The following TLE2 variants were observed in gnomAD, a reference collection of about 807,000 sequenced individuals.
The protein encoded by TLE2 is TLE family member 2, transcriptional corepressor.
Under a neutral mutation model 97.2 loss-of-function variants are expected in TLE2, and 74 were observed. That is an observed-to-expected ratio of 0.76 (90% CI 0.63 to 0.92). The LOEUF is 0.92. Ranked by LOEUF, TLE2 falls within the 40% of genes least tolerant of loss-of-function variation. The pLI, the probability that TLE2 is intolerant of heterozygous loss-of-function variation, is 0.00. For synonymous variants in TLE2, 499 were observed against 432.1 expected (o/e 1.15, Z -1.92); for missense variants, 1,038 against 1,008.7 (o/e 1.03, Z -0.39).
chr19:3,019,446 C>A lies in TLE2; in HGVS notation c.387G>T (p.Leu129=). 6.6e-7 allele frequency: 1 copy of A among 1,525,996 alleles called. No individual in the cohort carries two copies. Among genetic ancestry groups the A allele is most frequent in the Non-Finnish European group, 8.8e-7 (1 of 1,141,656 alleles). 94.5% of individuals were successfully genotyped at this position (1,525,996 alleles called of 1,614,324 possible). A position where few individuals can be genotyped will look rare whatever the true frequency, so the allele number is the denominator to read the frequency against. Residue 129 remains leucine, a synonymous_variant, in exon 7 of 20, where the codon CTG becomes CTT. Coordinates refer to ENST00000262953, the MANE Select transcript of TLE2 (RefSeq NM_003260.5). The surrounding 1 kb of genome is among the most constrained non-coding windows in gnomAD (Gnocchi z 5.1). ...GGGGCACAGGGGGTGCGTGGTGGGA[C>A]AGCGGCTGGAGCTGCTGCTGCTAGA... The part of the protein sequence containing the change: ...NSLIGQQLQP[L]SHHAPPVPLT...
At chr19:3,006,741 A>C (rs908024141) in intron 14 of TLE2, 72 bp from the exon 15 acceptor site, 64 of 1,511,888 alleles carry the variant, frequency 4.2e-5, no homozygotes, top group Non-Finnish European at 5.1e-5. Context: ...GAGGGCAGGG[A>C]GACGCCTTTG....
chr19:3,015,530 G>A lies in TLE2; in HGVS notation c.678+123C>T, dbSNP rs1251719714. ...GATTGGTCAGTACTCTGAGTAGTAG[G>A]GAGCTATGGGAGGCTCCGGAGTGAG... On this transcript the variant is annotated intron_variant, in intron 9 of 19. Transcript: ENST00000262953. 3 of 709,852 alleles carry A rather than the reference G, an allele frequency of 4.2e-6. No individual in the cohort carries two copies. The East Asian group carries it at 8.1e-5, about 19-fold the overall frequency. The allele number at this position is 709,852 out of a possible 1,614,324, so 44.0% of individuals were successfully genotyped here.
At chr19:3,004,892 C>T (rs1466251249) in intron 17 of TLE2, among the ~76,000 whole-genome samples, 1 of 152,090 alleles carries the variant, frequency 6.6e-6, no homozygotes, top group Non-Finnish European at 1.5e-5. Context: ...GATCTGGGGT[C>T]ACGGTGCCTG....
chr19:3,015,881 C>T (rs2089692286), intron 8 of TLE2, 121 bp from the exon 9 acceptor site: 1 of 758,182 alleles, frequency 1.3e-6, no homozygotes, highest in Non-Finnish European at 2.3e-6. Flanking sequence ...TCAAGCTTCC[C>T]ATCTGGGAAA....
At chr19:3,004,726 A>G (rs1427742515) in intron 17 of TLE2, among the ~76,000 whole-genome samples, 3 of 151,900 alleles carry the variant, frequency 2.0e-5, no homozygotes, top group Non-Finnish European at 2.9e-5. Flanking sequence ...GAGTTTGCCA[A>G]TTACAGAAAG....
intron 1 of TLE2, among the ~76,000 whole-genome samples, chr19:3,040,944 C>A (rs889900908): frequency 1.4e-5 from 2 of 142,390 alleles, no homozygotes; most frequent in African/African-American, 5.1e-5. Context: ...GGGCATGGTA[C>A]TGTCACCAAC....
chr19:3,034,441 C>T (rs2090047873), intron 1 of TLE2, among the ~76,000 whole-genome samples: 1 of 151,838 alleles, frequency 6.6e-6, no homozygotes. Flanking sequence ...TCACCTTCCT[C>T]CACCAGATCA....
intron 19 of TLE2, among the ~76,000 whole-genome samples, chr19:2,998,826 A>G (rs775618973): frequency 2.0e-4 from 30 of 152,200 alleles, no homozygotes; most frequent in Non-Finnish European, 4.4e-4. Context: ...CCTTTCTGGA[A>G]GCTCAGAGTG....
intron 7 of TLE2, among the ~76,000 whole-genome samples, chr19:3,018,277 G>A (rs910574062): frequency 6.6e-6 from 1 of 151,338 alleles, no homozygotes; most frequent in East Asian, 2.0e-4. Context: ...GACTCCAGGG[G>A]CATGCCACCA....
chr19:3,046,030 G>C (rs1287857502), upstream of TLE2, among the ~76,000 whole-genome samples: 2 of 152,138 alleles, frequency 1.3e-5, no homozygotes, highest in African/African-American at 2.4e-5. Context: ...CAACACAGCC[G>C]GTATTACTGT....
chr19:3,020,069 G>A, intron 5 of TLE2: 1 of 406,056 alleles, frequency 2.5e-6, no homozygotes, highest in South Asian at 3.1e-5. Flanking sequence ...GATCACCTGA[G>A]GCCAGGAGTT....
upstream of TLE2, among the ~76,000 whole-genome samples, chr19:3,033,155 G>A (rs146868641): frequency 8.4e-3 from 1,265 of 150,042 alleles, 11 homozygotes; most frequent in South Asian, 0.017. Flanking sequence ...TGGGATTACA[G>A]ACATACACCA....
At chr19:3,025,123 G>A in intron 4 of TLE2, 41 bp from the exon 5 acceptor site, 2 of 1,564,414 alleles carry the variant, frequency 1.3e-6, no homozygotes, top group Non-Finnish European at 1.7e-6. Context: ...GCGGGGTAGA[G>A]ATTTGCAACC....
chr19:3,038,113 C>G (rs1221312400), intron 1 of TLE2, among the ~76,000 whole-genome samples: 3 of 152,166 alleles, frequency 2.0e-5, no homozygotes, highest in African/African-American at 7.2e-5. Flanking sequence ...CAGAGCGAGA[C>G]TCTGTCTCAA....
rs758630754 is a variant in TLE2, at chr19:3,019,313, G to A, written c.520C>T (p.Arg174Cys). ...AQLAAAVKED[R>C]AGVEAEGSRV... is the part of the protein sequence containing the mutation. ...GACCCCTCGGCCTCCACGCCCGCAC[G>A]GTCCTCCTTGACAGCCGCCGCCAGC... Residue 174 changes from arginine to cysteine, a missense_variant, in exon 7 of 20, where the codon CGT becomes TGT. Transcript: ENST00000262953. The surrounding 1 kb of genome is among the most constrained non-coding windows in gnomAD (Gnocchi z 5.1). The A allele has an allele frequency of 1.6e-5, 25 of 1,576,592 alleles. No individual in the cohort carries two copies. The highest frequency in any genetic ancestry group is 5.8e-5 in the South Asian group (5 of 86,854).
chr19:3,009,840 A>G (rs1235028707), intron 12 of TLE2, 138 bp from the exon 13 acceptor site: 1 of 963,292 alleles, frequency 1.0e-6, no homozygotes, highest in Non-Finnish European at 1.5e-6. Context: ...GGACACCTCC[A>G]GACCTCTGCA....
chr19:3,006,694 C>A, intron 14 of TLE2, 25 bp from the exon 15 acceptor site: 2 of 1,565,276 alleles, frequency 1.3e-6, no homozygotes, highest in African/African-American at 1.4e-5. Context: ...GGGGCATGAC[C>A]CAGCCCTGGG....
chr19:3,011,606 T>C lies in TLE2; in HGVS notation c.874-446A>G, dbSNP rs554142945. Reference sequence around the variant, plus strand: ...GGCTCACGCCTGTAATCCCACCACTTTGGGAGGCCGAGGCCGGTGGATCAC... The same window carrying C: ...GGCTCACGCCTGTAATCCCACCACTCTGGGAGGCCGAGGCCGGTGGATCAC... On this transcript the variant is annotated intron_variant, in intron 11 of 19. Coordinates refer to ENST00000262953, the MANE Select transcript of TLE2 (RefSeq NM_003260.5). Among the ~76,000 whole-genome samples, 10 of 151,558 alleles carry C rather than the reference T, an allele frequency of 6.6e-5. No homozygotes were observed. In the East Asian group the frequency reaches 1.6e-3, roughly 24 times the overall value.
chr19:3,041,613 C>G (rs2090104004), intron 1 of TLE2, among the ~76,000 whole-genome samples: 1 of 152,204 alleles, frequency 6.6e-6, no homozygotes, highest in East Asian at 1.9e-4. Flanking sequence ...CTAGATTTTT[C>G]TTCCTACCAC....
Sources: gnomAD v4.1 joint callset for allele counts (sites outside exome capture counted in the v4.1 genomes callset) on GRCh38, gnomAD v4.1.1 for gene constraint, Gnocchi (gnomAD v3.1) non-coding constraint, MANE v1.5 for transcripts, NCBI Gene and HGNC (gene_info 2026-07-23, HGNC 2026-07-21) for gene names.